VOPP1: variants seen among roughly 807,000 people sequenced by gnomAD.
The protein encoded by VOPP1 is VOPP1 WW domain binding protein, also known as WW domain binding protein VOPP1.
VOPP1 carries 8 observed loss-of-function variants against 23.5 expected under a neutral mutation model. The ratio of observed to expected loss-of-function variants is 0.34; its 90% CI spans 0.20 to 0.61. The LOEUF (loss-of-function observed/expected upper bound fraction) is 0.61, where lower values mean the gene tolerates loss of function less well. Ranked by LOEUF, VOPP1 falls within the 20% of genes least tolerant of loss-of-function variation. The pLI is 0.78. For missense variants in VOPP1, 174 were observed against 238.1 expected (o/e 0.73, Z 1.77); for synonymous variants, 83 against 97.3 (o/e 0.85, Z 0.86).
intron 2 of VOPP1, among the ~76,000 whole-genome samples, chr7:55,520,704 C>T (rs1392204963): frequency 6.6e-6 from 1 of 152,230 alleles, no homozygotes; most frequent in African/African-American, 2.4e-5. Context: ...AGGACTGTTT[C>T]TTGTCCTGCT....
chr7:55,508,685 TC>T (rs1394327665), intron 2 of VOPP1, among the ~76,000 whole-genome samples: 5 of 152,164 alleles, frequency 3.3e-5, no homozygotes, highest in Non-Finnish European at 7.3e-5. Context: ...AAAACAATCC[TC>T]CTAGTTTCTG....
At chr7:55,521,762 G>A (rs1795879193) in intron 1 of VOPP1, 2 of 986,530 alleles carry the variant, frequency 2.0e-6, no homozygotes, top group Non-Finnish European at 2.4e-6. Flanking sequence ...GGCAGGGTGG[G>A]TGAGTGCACA....
intron 4 of VOPP1, among the ~76,000 whole-genome samples, chr7:55,477,079 C>G (rs1792313318): frequency 6.6e-6 from 1 of 152,224 alleles, no homozygotes; most frequent in South Asian, 2.1e-4. Flanking sequence ...AGCCTCTGGT[C>G]TGGCTAATTG....
intron 1 of VOPP1, chr7:55,537,778 C>A: frequency 7.8e-7 from 1 of 1,285,908 alleles, no homozygotes; most frequent in Non-Finnish European, 1.0e-6. Context: ...CCCAGGCCAC[C>A]AAGGAACATG....
At chr7:55,466,395 A>G (rs1043450688), downstream of VOPP1, among the ~76,000 whole-genome samples, 3 of 152,238 alleles carry the variant, frequency 2.0e-5, no homozygotes, top group Non-Finnish European at 4.4e-5. Flanking sequence ...CCCCTCCTAC[A>G]GAGTGACAGA....
intron 1 of VOPP1, among the ~76,000 whole-genome samples, chr7:55,560,793 C>G (rs1475177399): frequency 6.6e-6 from 1 of 152,174 alleles, no homozygotes; most frequent in African/African-American, 2.4e-5. Flanking sequence ...CATACCCTCA[C>G]CTCACTCCCA....
intron 4 of VOPP1, among the ~76,000 whole-genome samples, chr7:55,437,963 C>T (rs1486290314): frequency 6.6e-6 from 1 of 150,438 alleles, no homozygotes; most frequent in South Asian, 2.1e-4. Context: ...GGCACGATCT[C>T]AGCTCACTGT....
chr7:55,537,953 A>G (rs1053536422), intron 1 of VOPP1, among the ~76,000 whole-genome samples: 1 of 151,936 alleles, frequency 6.6e-6, no homozygotes, highest in Non-Finnish European at 1.5e-5. Flanking sequence ...TCTCCTGCCC[A>G]CCTGCCATTC....
exon 5 of VOPP1, chr7:55,436,165 A>C (rs149610935): frequency 3.9e-4 from 59 of 152,328 alleles, no homozygotes; most frequent in African/African-American, 1.4e-3. Context: ...GTCGTCAAGG[A>C]GTATATGGTC....
In VOPP1 at chr7:55,572,378, G is replaced by C. The variant is rs1427939457; in HGVS notation, c.-54C>G. 1.4e-5 allele frequency: 17 copies of C among 1,240,532 alleles called. No homozygotes were observed. Among genetic ancestry groups the C allele is most frequent in the African/African-American group, 1.6e-5 (1 of 63,052 alleles). 76.8% of individuals were successfully genotyped at this position (1,240,532 alleles called of 1,614,324 possible). ...GGACGCCGGGTCGCAGGCGCGCTTC[G>C]CGACTCGGCCCCCGCGCGGGGCGGG... is the stretch of plus-strand genomic sequence containing the variant. On this transcript the variant is annotated 5_prime_UTR_variant, in exon 1 of 5. Coordinates refer to ENST00000285279, the MANE Select transcript of VOPP1 (RefSeq NM_030796.5).
At chr7:55,493,442 G>A (rs930026675) in intron 3 of VOPP1, among the ~76,000 whole-genome samples, 4 of 152,206 alleles carry the variant, frequency 2.6e-5, no homozygotes, top group African/African-American at 9.7e-5. Context: ...TCTTAAGAGC[G>A]TACGATAAAG....
At chr7:55,488,829 T>G (rs1017183585) in intron 4 of VOPP1, among the ~76,000 whole-genome samples, 1 of 152,238 alleles carries the variant, frequency 6.6e-6, no homozygotes, top group African/African-American at 2.4e-5. Context: ...ACACCCACCC[T>G]GCTTTGTGCA....
intron 1 of VOPP1, among the ~76,000 whole-genome samples, chr7:55,560,338 C>T (rs569889266): frequency 6.6e-6 from 1 of 152,166 alleles, no homozygotes; most frequent in East Asian, 1.9e-4. Context: ...GCTTTGCAGA[C>T]GTGATTAAGT....
chr7:55,456,209 A>G (rs1299383142), intron 4 of VOPP1, among the ~76,000 whole-genome samples: 1 of 152,256 alleles, frequency 6.6e-6, no homozygotes, highest in African/African-American at 2.4e-5. Flanking sequence ...GCTCATCATC[A>G]CTGGTCATTA....
At chr7:55,436,627 T>C (rs1012647492) in intron 4 of VOPP1, among the ~76,000 whole-genome samples, 12 of 140,400 alleles carry the variant, frequency 8.5e-5, no homozygotes, top group African/African-American at 3.2e-4. Flanking sequence ...AGTGTGTGTG[T>C]GTGCGTGTGT....
chr7:55,554,004 C>T (rs912896869), intron 1 of VOPP1: 1 of 152,266 alleles, frequency 6.6e-6, no homozygotes, highest in Non-Finnish European at 1.5e-5. Context: ...TGCTACCTGC[C>T]CTGCTCAAGA....
At chr7:55,535,339 A>G (rs1272067037) in intron 1 of VOPP1, among the ~76,000 whole-genome samples, 1 of 152,178 alleles carries the variant, frequency 6.6e-6, no homozygotes, top group Non-Finnish European at 1.5e-5. Flanking sequence ...AAACAAGCAA[A>G]AAGAGTGGGG....
chr7:55,525,098 G>A lies in VOPP1; in HGVS notation c.55-3968C>T, dbSNP rs987657700. Among the ~76,000 whole-genome samples, 13 of 152,166 alleles carry A rather than the reference G, an allele frequency of 8.5e-5. No individual in the cohort carries two copies. In the East Asian group the frequency reaches 2.3e-3, roughly 27 times the overall value. On this transcript the variant is annotated intron_variant, in intron 1 of 4. Transcript: ENST00000285279. ...GGGCAAAGGGGAACCCACAGGGAAA[G>A]GAGGAGCCAAAGAACCAGAGCTCTG...
chr7:55,552,000 C>A (rs936776390), intron 1 of VOPP1, among the ~76,000 whole-genome samples: 1 of 117,958 alleles, frequency 8.5e-6, no homozygotes, highest in Admixed American at 1.2e-4. Context: ...GCAGCCTGGG[C>A]AACAAGAGTG....
Sources: allele counts gnomAD v4.1 joint callset (sites outside exome capture counted in the v4.1 genomes callset), GRCh38; gene constraint gnomAD v4.1.1; transcripts MANE v1.5; gene names NCBI Gene and HGNC (gene_info 2026-07-23, HGNC 2026-07-21).